The following NELL1 variants were observed in gnomAD, a reference collection of about 807,000 sequenced individuals.
The protein encoded by NELL1 is protein kinase C-binding protein NELL1.
A neutral mutation model predicts 107.4 loss-of-function variants in NELL1; 76 were observed. That is an observed-to-expected ratio of 0.71 (90% CI 0.59 to 0.86). The LOEUF (loss-of-function observed/expected upper bound fraction) is 0.86. NELL1 is among the 40% of genes least tolerant of loss of function. The pLI is 0.00. For synonymous variants in NELL1, 353 were observed against 341.2 expected (o/e 1.03, Z -0.38); for missense variants, 1,024 against 1,005.5 (o/e 1.02, Z -0.25).
intron 2 of NELL1, among the ~76,000 whole-genome samples, chr11:20,707,536 A>C (rs886927677): frequency 1.3e-5 from 2 of 152,204 alleles, no homozygotes; most frequent in Non-Finnish European, 2.9e-5. Flanking sequence ...GGTGATGTAC[A>C]GATTGGGTTT....
At chr11:20,975,724 T>C (rs1465286584) in intron 12 of NELL1, among the ~76,000 whole-genome samples, 1 of 100,102 alleles carries the variant, frequency 1.0e-5, no homozygotes, top group Non-Finnish European at 2.0e-5. Flanking sequence ...ATTATATATG[T>C]ATTATATAAT....
intron 14 of NELL1, among the ~76,000 whole-genome samples, chr11:21,295,095 C>T (rs1849347026): frequency 6.6e-6 from 1 of 151,984 alleles, no homozygotes; most frequent in African/African-American, 2.4e-5. Context: ...TACCATATGT[C>T]AGGTATGGTT....
chr11:21,539,803 T>C (rs1856245819), intron 16 of NELL1, among the ~76,000 whole-genome samples: 1 of 151,502 alleles, frequency 6.6e-6, no homozygotes, highest in African/African-American at 2.4e-5. Context: ...AAAGGCAACT[T>C]TTGGTTGCGA....
chr11:21,217,605 G>A (rs930625141), intron 13 of NELL1, among the ~76,000 whole-genome samples: 1 of 152,086 alleles, frequency 6.6e-6, no homozygotes. Flanking sequence ...ACCTATTATT[G>A]ATATTTATGT....
intron 5 of NELL1, among the ~76,000 whole-genome samples, chr11:20,894,989 T>C (rs1408868126): frequency 1.3e-5 from 2 of 150,942 alleles, no homozygotes; most frequent in Admixed American, 6.6e-5. Context: ...TTATTCCCTC[T>C]GGCCGGGCGC....
chr11:21,041,505 A>G (rs550361768), intron 12 of NELL1, among the ~76,000 whole-genome samples: 21 of 152,228 alleles, frequency 1.4e-4, no homozygotes, highest in African/African-American at 4.8e-4. Flanking sequence ...ATCACCTTTC[A>G]TGATGCTCAC....
chr11:21,314,761 T>G (rs537429839), intron 14 of NELL1, among the ~76,000 whole-genome samples: 2 of 152,270 alleles, frequency 1.3e-5, no homozygotes, highest in South Asian at 4.1e-4. Flanking sequence ...GGGAAGCCAT[T>G]GAAGTGGTTA....
chr11:21,468,851 G>T (rs1369938984), intron 15 of NELL1, among the ~76,000 whole-genome samples: 2 of 152,042 alleles, frequency 1.3e-5, no homozygotes, highest in Non-Finnish European at 2.9e-5. Flanking sequence ...GAACACAGTA[G>T]ACAGGCCACA....
chr11:20,983,318 A>C (rs1329604725), intron 12 of NELL1, among the ~76,000 whole-genome samples: 3 of 152,042 alleles, frequency 2.0e-5, no homozygotes, highest in Non-Finnish European at 2.9e-5. Flanking sequence ...GATCCCAGAC[A>C]TTGGCCTCTG....
At chr11:21,498,268 A>G (rs933788024) in intron 15 of NELL1, among the ~76,000 whole-genome samples, 42 of 150,194 alleles carry the variant, frequency 2.8e-4, no homozygotes, top group Admixed American at 6.0e-4. Flanking sequence ...ATAAATAATT[A>G]TAAAAATTGA....
chr11:20,876,757 C>CAT (rs1388053572), intron 4 of NELL1, among the ~76,000 whole-genome samples: 5 of 151,986 alleles, frequency 3.3e-5, no homozygotes, highest in Non-Finnish European at 7.4e-5. Context: ...AGGGAGACTC[C>CAT]ATCTCAAAAA....
chr11:20,943,591 A>C (rs1313880308), intron 10 of NELL1, among the ~76,000 whole-genome samples: 2 of 152,014 alleles, frequency 1.3e-5, no homozygotes, highest in Non-Finnish European at 2.9e-5. Flanking sequence ...CAAAAAAAAA[A>C]CCCAACAAAA....
At chr11:21,170,742 A>G (rs897035060) in intron 13 of NELL1, among the ~76,000 whole-genome samples, 7 of 150,272 alleles carry the variant, frequency 4.7e-5, no homozygotes, top group Admixed American at 6.6e-5. Flanking sequence ...TATAAAGTAT[A>G]TGTACAATTG....
At chr11:21,382,461 A>G (rs1428935820) in intron 15 of NELL1, among the ~76,000 whole-genome samples, 1 of 151,992 alleles carries the variant, frequency 6.6e-6, no homozygotes, top group East Asian at 1.9e-4. Flanking sequence ...ATGAATAAGT[A>G]TAGACAAGGA....
chr11:21,218,093 C>T (rs1407873033), intron 13 of NELL1, among the ~76,000 whole-genome samples: 1 of 151,940 alleles, frequency 6.6e-6, no homozygotes, highest in Non-Finnish European at 1.5e-5. Flanking sequence ...CATTTTTTGT[C>T]CTGATAAGTT....
intron 13 of NELL1, among the ~76,000 whole-genome samples, chr11:21,129,798 AGTTT>A (rs1855573841): frequency 6.6e-6 from 1 of 152,232 alleles, no homozygotes; most frequent in African/African-American, 2.4e-5. Context: ...ATAGGGCATT[AGTTT>A]TACAAGATGA....
intron 15 of NELL1, among the ~76,000 whole-genome samples, chr11:21,501,188 A>G (rs1855131991): frequency 6.6e-6 from 1 of 152,126 alleles, no homozygotes; most frequent in Non-Finnish European, 1.5e-5. Context: ...AATTCAGTGA[A>G]TTTTATTACT....
At chr11:20,708,346 A>G (rs1855025896) in intron 2 of NELL1, among the ~76,000 whole-genome samples, 1 of 152,186 alleles carries the variant, frequency 6.6e-6, no homozygotes, top group East Asian at 1.9e-4. Context: ...GGTTGCACCC[A>G]CTGTCTGACA....
intron 14 of NELL1, among the ~76,000 whole-genome samples, chr11:21,342,687 G>T (rs1371936267): frequency 8.1e-6 from 1 of 122,772 alleles, no homozygotes; most frequent in Admixed American, 9.5e-5. Flanking sequence ...AAAGAGATAG[G>T]AAAGGAAGGA....
Sources: allele counts gnomAD v4.1 joint callset (sites outside exome capture counted in the v4.1 genomes callset), GRCh38; gene constraint gnomAD v4.1.1; transcripts MANE v1.5; gene names NCBI Gene and HGNC (gene_info 2026-07-23, HGNC 2026-07-21).